MAMDC4: variants seen among roughly 807,000 people sequenced by gnomAD.
MAMDC4 encodes apical endosomal glycoprotein.
In MAMDC4, 168 loss-of-function variants were observed where a neutral mutation model predicts 153.3. That is an observed-to-expected ratio of 1.10 (90% CI 0.97 to 1.25). The LOEUF is 1.25. Among genes scored for constraint, MAMDC4 ranks in the 50% most tolerant of loss-of-function variants. The pLI is 0.00. For missense variants in MAMDC4, 1,701 were observed against 1,542.8 expected (o/e 1.10, Z -1.72); for synonymous variants, 744 against 651.5 (o/e 1.14, Z -2.16).
rs1848971200 is a variant in MAMDC4, at chr9:136,854,293, A to G, written c.753A>G (p.Glu251=). 3 of 1,603,094 alleles carry G rather than the reference A, an allele frequency of 1.9e-6. No homozygotes were observed. Among genetic ancestry groups the G allele is most frequent in the Admixed American group, 1.7e-5 (1 of 58,688 alleles). Residue 251 remains glutamate (E), a synonymous_variant, in exon 7 of 27, where the codon GAA becomes GAG. Coordinates refer to ENST00000317446, the MANE Select transcript of MAMDC4 (RefSeq NM_206920.3). ...AGCCCCAGCAGCTGTGCGACGGGGA[A>G]GACAACTGCGGGGACCTGTCTGATG... ...CVEPQQLCDG[E]DNCGDLSDEN...
At chr9:136,854,725 C>T (rs376890413) in intron 8 of MAMDC4, 37 bp from the exon 9 acceptor site, 117 of 1,612,296 alleles carry the variant, frequency 7.3e-5, no homozygotes, top group Non-Finnish European at 8.2e-5. Flanking sequence ...GCAGCCACAG[C>T]CCAGTGGCCC....
chr9:136,853,824 A>AGGG lies in MAMDC4; in HGVS notation c.502_503insGGG (p.Thr168delinsArgAla), dbSNP rs1564385131. On this transcript the variant is annotated protein_altering_variant, in exon 5 of 27. Coordinates refer to ENST00000317446, the MANE Select transcript of MAMDC4 (RefSeq NM_206920.3). ...GCTGACCCATGGCGCAGAGACCCTG[A>AGGG]CCCTGTGGCAGAGCACAGGGCCCTG... 4 of 1,612,000 alleles carry AGGG rather than the reference A, an allele frequency of 2.5e-6. No homozygotes were observed.
rs377675355 is a variant in MAMDC4, at chr9:136,860,559, T to TC, written c.3373-3_3373-2insC. On this transcript the variant is annotated splice_polypyrimidine_tract_variant and splice_region_variant and intron_variant, in intron 26 of 26. Coordinates refer to ENST00000317446, the MANE Select transcript of MAMDC4 (RefSeq NM_206920.3). ...AAAAAAAAGCTCCTCTTCCTCCTCC[T>TC]AGGATGGTGTCACCCTCCCGGCATC... 1 of 1,612,006 alleles carries TC rather than the reference T, an allele frequency of 6.2e-7. No individual in the cohort carries two copies. Among genetic ancestry groups the TC allele is most frequent in the Non-Finnish European group, 8.5e-7 (1 of 1,179,722 alleles).
Position 136,856,001 on chromosome 9 carries a change from C to G in MAMDC4, c.1589-17C>G, listed in dbSNP as rs1292818001. ...CCTGGAAGGGATGAGGCTCTGAGCA[C>G]CATGCTCTTCCCCTAGGGCACTTCC... On this transcript the variant is annotated splice_polypyrimidine_tract_variant and intron_variant, in intron 13 of 26. Coordinates refer to ENST00000317446, the MANE Select transcript of MAMDC4 (RefSeq NM_206920.3). 6.2e-7 allele frequency: 1 copy of G among 1,604,402 alleles called. No individual in the cohort carries two copies. The highest frequency in any genetic ancestry group is 8.5e-7 in the Non-Finnish European group (1 of 1,175,300).
chr9:136,858,318 T>C, intron 21 of MAMDC4, 42 bp downstream of exon 21: 1 of 1,600,360 alleles, frequency 6.2e-7, no homozygotes. Context: ...CTGGGGTGCC[T>C]GCCTAGCCCT....
intron 10 of MAMDC4, 65 bp downstream of exon 10, chr9:136,855,175 A>G (rs1848985782): frequency 6.4e-7 from 1 of 1,571,866 alleles, no homozygotes; most frequent in Middle Eastern, 1.7e-4. Flanking sequence ...GGAACCCACA[A>G]GGTACCCACT....
intron 14 of MAMDC4, 107 bp downstream of exon 14, chr9:136,856,256 G>A (rs758419890): frequency 6.4e-7 from 1 of 1,562,716 alleles, no homozygotes; most frequent in South Asian, 1.1e-5. Flanking sequence ...CCGCTGGCCA[G>A]GCTTCCTGGC....
rs969202950 is a variant in MAMDC4, at chr9:136,859,386, G to C, written c.3193+69G>C. The C allele has an allele frequency of 1.2e-4, 172 of 1,399,390 alleles. 2 individuals carry two copies. In the Admixed American group the frequency reaches 3.7e-3, roughly 30 times the overall value. 86.7% of individuals were successfully genotyped at this position (1,399,390 alleles called of 1,614,324 possible). On this transcript the variant is annotated intron_variant, in intron 25 of 26. Coordinates refer to ENST00000317446, the MANE Select transcript of MAMDC4 (RefSeq NM_206920.3). Reference sequence around the variant, plus strand: ...GGCCAGCCTGGCTCGGGGTTTGCCAGGCTTACCAGTGTGTGGTCCCAGGAG... The same window carrying C: ...GGCCAGCCTGGCTCGGGGTTTGCCACGCTTACCAGTGTGTGGTCCCAGGAG...
rs1848965925 is a variant in MAMDC4 at position 136,854,002 on chromosome 9, CTGCCACCCGAAA to C, written c.605_616del (p.Arg202_Thr205del). 14 of 1,612,992 alleles carry C rather than the reference CTGCCACCCGAAA, an allele frequency of 8.7e-6. No individual in the cohort carries two copies. The East Asian group carries it at 2.9e-4, about 33-fold the overall frequency. On this transcript the variant is annotated inframe_deletion, in exon 6 of 27. Coordinates refer to ENST00000317446, the MANE Select transcript of MAMDC4 (RefSeq NM_206920.3). ...GCCTGTTCTCTTCAGGTGACCTTCT[CTGCCACCCGAAA>C]TGCCACCCACAGGGGCGCTGTGGCT...
In MAMDC4 at chr9:136,855,797, T is replaced by A; in HGVS notation, c.1537T>A (p.Trp513Arg). The change falls in exon 13 of 27, where the codon TGG (tryptophan) becomes AGG (arginine). Residue 513 changes from tryptophan to arginine, a missense_variant. By Grantham distance (101) the Trp-to-Arg change is moderately radical. Transcript: ENST00000317446. ...WEDASVGRLQ[W>R]RRVSAQESQG... ...GGACGCCAGCGTGGGGCGGCTGCAG[T>A]GGCGGCGTGTCTCAGCCCAGGAGAG... 6.5e-7 allele frequency: 1 copy of A among 1,547,048 alleles called. No homozygotes were observed. The highest frequency in any genetic ancestry group is 8.7e-7 in the Non-Finnish European group (1 of 1,146,320).
intron 1 of MAMDC4, 91 bp from the exon 2 acceptor site, chr9:136,853,011 G>A (rs1221947081): frequency 2.8e-6 from 3 of 1,075,566 alleles, no homozygotes; most frequent in Non-Finnish European, 4.1e-6. Context: ...CCGGACAAAA[G>A]ATGTCCAGTG....
At position 136,854,323 on chromosome 9, in the gene MAMDC4, C is replaced by T; in HGVS notation, c.783C>T (p.Asn261=). ...ACTGCGGGGACCTGTCTGATGAGAA[C>T]CCACTCACCTGTGGTGAGGCCGGAG... ...EDNCGDLSDE[N]PLTCGRHIAT... The change falls in exon 7 of 27, where the codon AAC becomes AAT. Residue 261 remains asparagine (N), a synonymous_variant. Coordinates refer to ENST00000317446, the MANE Select transcript of MAMDC4 (RefSeq NM_206920.3). 1 of 1,578,840 alleles carries T rather than the reference C, an allele frequency of 6.3e-7. No homozygotes were observed. Among genetic ancestry groups the T allele is most frequent in the Non-Finnish European group, 8.6e-7 (1 of 1,162,972 alleles).
In MAMDC4 at chr9:136,859,107, AG is replaced by A; in HGVS notation, c.3061del (p.Val1021Ter). ...RRHQWLEAQV[E>X]VASAKEFQIV... is the part of the protein sequence containing the mutation. The stretch of plus-strand genomic sequence containing the variant: ...CACCAGTGGCTGGAGGCCCAGGTGG[AG>A]GTAGCCAGTGCCAAGGAGTTCCAGG... On this transcript the variant is annotated frameshift_variant, in exon 24 of 27. Coordinates refer to ENST00000317446, the MANE Select transcript of MAMDC4 (RefSeq NM_206920.3). LOFTEE classifies it high-confidence loss of function. 1 of 1,551,014 alleles carries A rather than the reference AG, an allele frequency of 6.4e-7. No individual in the cohort carries two copies. Among genetic ancestry groups the A allele is most frequent in the Non-Finnish European group, 8.7e-7 (1 of 1,147,854 alleles).
In MAMDC4 at chr9:136,860,052, C is replaced by T. The variant is rs1849064003; in HGVS notation, c.3360C>T (p.Ile1120=). The change falls in exon 26 of 27, where the codon ATC becomes ATT. Residue 1120 remains isoleucine, a synonymous_variant. Coordinates refer to ENST00000317446, the MANE Select transcript of MAMDC4 (RefSeq NM_206920.3). ...CCACAGCCCCTGGCTTTGACAACAT[C>T]CTTTTCAATGCGGTAGGAGCCCCTG... ...TEATAPGFDN[I]LFNADGVTLP... 3.8e-6 allele frequency: 6 copies of T among 1,587,162 alleles called. No homozygotes were observed. Among genetic ancestry groups the T allele is most frequent in the Non-Finnish European group, 5.1e-6 (6 of 1,166,480 alleles).
chr9:136,858,977 G>A (rs1251347881), intron 23 of MAMDC4, 28 bp from the exon 24 acceptor site: 2 of 1,507,322 alleles, frequency 1.3e-6, no homozygotes, highest in Non-Finnish European at 1.8e-6. Context: ...AGGACCCCAG[G>A]CCTGACACGC....
chr9:136,852,548 G>T lies in MAMDC4; in HGVS notation c.46+86G>T, dbSNP rs569242394. 40 of 1,490,482 alleles carry T rather than the reference G, an allele frequency of 2.7e-5. No homozygotes were observed. In the South Asian group the frequency reaches 4.2e-4, roughly 16 times the overall value. 92.3% of individuals were successfully genotyped at this position (1,490,482 alleles called of 1,614,324 possible). A position where few individuals can be genotyped will look rare whatever the true frequency, so the allele number is the denominator to read the frequency against. On this transcript the variant is annotated intron_variant, in intron 1 of 26. Coordinates refer to ENST00000317446, the MANE Select transcript of MAMDC4 (RefSeq NM_206920.3). ...TCTGTGTGGCAGTGACGGACACCAG[G>T]GCTGATGCCTGAGCCCCAAAGGGAA...
rs1454454325 is a variant in MAMDC4 at position 136,852,432 on chromosome 9, C to A, written c.16C>A (p.His6Asn). MPLSS[H>N]LLPALVLFLA... ...TGGCCCAACCATGCCTCTGTCCAGCCACCTGCTGCCCGCCTTGGTCCTGTT... is the reference window on the plus strand; with the variant it reads ...TGGCCCAACCATGCCTCTGTCCAGCAACCTGCTGCCCGCCTTGGTCCTGTT... The change falls in exon 1 of 27, where the codon CAC becomes AAC. Residue 6 changes from histidine (H) to asparagine (N), a missense_variant. Coordinates refer to ENST00000317446, the MANE Select transcript of MAMDC4 (RefSeq NM_206920.3). The A allele has an allele frequency of 6.2e-7, 1 of 1,610,442 alleles. No homozygotes were observed. Among genetic ancestry groups the A allele is most frequent in the South Asian group, 1.1e-5 (1 of 91,082 alleles).
At chr9:136,859,862 C>T (rs1302159689) in intron 25 of MAMDC4, 24 bp from the exon 26 acceptor site, 3 of 1,610,432 alleles carry the variant, frequency 1.9e-6, no homozygotes, top group Non-Finnish European at 2.5e-6. Flanking sequence ...CTTTGGAGGG[C>T]TCACATGTCC....
At position 136,856,781 on chromosome 9, in the gene MAMDC4, T is replaced by C; in HGVS notation, c.1792T>C (p.Trp598Arg). ...CCACCTCTCAGACACACACTGGCGC[T>C]GGGTGGAGAGCCGCGGCCCTGACCA... ...PGHLSDTHWR[W>R]VESRGPDHDH... Residue 598 changes from tryptophan (W) to arginine (R), a missense_variant, in exon 15 of 27, where the codon TGG becomes CGG. Transcript: ENST00000317446. 1.2e-6 allele frequency: 2 copies of C among 1,611,952 alleles called. No homozygotes were observed. Among genetic ancestry groups the C allele is most frequent in the Non-Finnish European group, 1.7e-6 (2 of 1,179,580 alleles).
Sources: allele counts gnomAD v4.1 joint callset, GRCh38; gene constraint gnomAD v4.1.1; transcripts MANE v1.5; gene names NCBI Gene and HGNC (gene_info 2026-07-23, HGNC 2026-07-21).